INSYN2B: variants seen among roughly 807,000 people sequenced by gnomAD.
INSYN2B encodes the protein inhibitory synaptic factor family member 2B.
INSYN2B carries 16 observed loss-of-function variants against 41.2 expected under a neutral mutation model. That is an observed-to-expected ratio of 0.39 (90% confidence interval 0.26 to 0.59). The LOEUF (loss-of-function observed/expected upper bound fraction) is 0.59. Ranked by LOEUF, INSYN2B falls within the 20% of genes least tolerant of loss-of-function variation. INSYN2B has a pLI of 0.57. For synonymous variants in INSYN2B, 245 were observed against 244.4 expected, an observed-to-expected ratio of 1.00 and a Z score of -0.02; for missense variants, 608 against 646.4, an observed-to-expected ratio of 0.94 and a Z score of 0.64.
chr5:169,870,088 A>G (rs562687535), intron 3 of INSYN2B, among the ~76,000 whole-genome samples: 174 of 152,320 alleles, frequency 1.1e-3, no homozygotes, highest in Middle Eastern at 6.8e-3. Context: ...TGCATGGGAC[A>G]TGGGACCTGT....
chr5:169,915,109 A>C (rs1206914659), intron 1 of INSYN2B, among the ~76,000 whole-genome samples: 1 of 152,164 alleles, frequency 6.6e-6, no homozygotes, highest in African/African-American at 2.4e-5. Flanking sequence ...AGGCCCCACT[A>C]CTTGAAAATT....
intron 1 of INSYN2B, among the ~76,000 whole-genome samples, chr5:169,962,996 G>A (rs1777153615): frequency 6.6e-6 from 1 of 152,126 alleles, no homozygotes; most frequent in Non-Finnish European, 1.5e-5. Flanking sequence ...TAAGGCCAAG[G>A]GTGGAAGAAT....
At chr5:169,918,467 C>T (rs982100181) in intron 1 of INSYN2B, among the ~76,000 whole-genome samples, 9 of 152,168 alleles carry the variant, frequency 5.9e-5, no homozygotes, top group South Asian at 2.1e-4. Flanking sequence ...AAATGAACTA[C>T]AGAATATTCA....
rs190308021 is a variant in INSYN2B at position 169,866,737 on chromosome 5, G to C, written c.1422-2278C>G. Reference sequence around the variant, plus strand: ...GCATGTGCAGACTCACATACTGACTGTCTATTTCAGGAGTCTCTATTTCAG... The same window carrying C: ...GCATGTGCAGACTCACATACTGACTCTCTATTTCAGGAGTCTCTATTTCAG... On this transcript the variant is annotated intron_variant, in intron 3 of 3. Coordinates refer to ENST00000377365, the MANE Select transcript of INSYN2B (RefSeq NM_001129891.3). Among the ~76,000 whole-genome samples, 51 of 152,272 alleles carry C rather than the reference G, an allele frequency of 3.3e-4. 1 individual carries two copies. Among genetic ancestry groups the C allele is most frequent in the African/African-American group, 1.2e-3 (49 of 41,570 alleles).
intron 1 of INSYN2B, among the ~76,000 whole-genome samples, chr5:169,967,269 C>G (rs1437171704): frequency 2.0e-5 from 3 of 152,186 alleles, no homozygotes; most frequent in African/African-American, 7.2e-5. Flanking sequence ...GAAGCCTTTC[C>G]AGATGAAGTG....
intron 1 of INSYN2B, among the ~76,000 whole-genome samples, chr5:169,956,851 G>A (rs1776885493): frequency 6.6e-6 from 1 of 152,046 alleles, no homozygotes; most frequent in African/African-American, 2.4e-5. Flanking sequence ...ATGGGTCCAG[G>A]AATGCATCAA....
At chr5:169,892,019 G>GA (rs375055930) in intron 1 of INSYN2B, among the ~76,000 whole-genome samples, 50 of 146,634 alleles carry the variant, frequency 3.4e-4, no homozygotes, top group African/African-American at 1.2e-3. Flanking sequence ...AAAAGAAAAA[G>GA]AAAAAAGAAA....
In INSYN2B at chr5:169,931,772, GC is replaced by G. The variant is rs1029350959; in HGVS notation, c.-918-46957del. 4.1e-4 allele frequency among the ~76,000 whole-genome samples: 62 copies of G among 152,290 alleles called. 1 individual carries two copies. Among genetic ancestry groups the G allele is most frequent in the South Asian group, 4.2e-4 (2 of 4,814 alleles). On this transcript the variant is annotated intron_variant, in intron 1 of 3. Transcript: ENST00000377365. ...TGTGCTTCCAGGAGATGGAAGCACA[GC>G]CAAGTGGCCCAGAGGACAATTCCCA... is the stretch of plus-strand genomic sequence containing the variant.
chr5:169,904,599 C>T (rs1774164556), intron 1 of INSYN2B, among the ~76,000 whole-genome samples: 1 of 152,144 alleles, frequency 6.6e-6, no homozygotes, highest in Non-Finnish European at 1.5e-5. Flanking sequence ...CATTCTCTCT[C>T]ATTCACATGG....
At position 169,861,969 on chromosome 5, in the gene INSYN2B, G is replaced by C. The variant is rs1771228160; in HGVS notation, c.*2304C>G. 6.7e-6 allele frequency among the ~76,000 whole-genome samples: 1 copy of C among 150,134 alleles called. No homozygotes were observed. The highest frequency in any genetic ancestry group is 1.5e-5 in the Non-Finnish European group (1 of 67,538). On this transcript the variant is annotated 3_prime_UTR_variant, in exon 4 of 4. Coordinates refer to ENST00000377365, the MANE Select transcript of INSYN2B (RefSeq NM_001129891.3). Reference sequence around the variant, plus strand: ...TTTTTGTTGGGGAAGTGCAGAAAATGTCAACATTTTCTAGTCCCAGTTTTA... The same window carrying C: ...TTTTTGTTGGGGAAGTGCAGAAAATCTCAACATTTTCTAGTCCCAGTTTTA...
intron 1 of INSYN2B, among the ~76,000 whole-genome samples, chr5:169,978,403 G>T (rs1413795467): frequency 6.7e-5 from 9 of 133,366 alleles, no homozygotes; most frequent in African/African-American, 1.1e-4. Context: ...GGGGGGGGGG[G>T]GGTGTAGGTG....
At chr5:169,870,909 C>T (rs1771925574) in intron 3 of INSYN2B, among the ~76,000 whole-genome samples, 1 of 152,084 alleles carries the variant, frequency 6.6e-6, no homozygotes, top group South Asian at 2.1e-4. Context: ...CTTATACATA[C>T]ATACATACAC....
intron 1 of INSYN2B, among the ~76,000 whole-genome samples, chr5:169,923,447 T>C (rs1167719853): frequency 1.3e-5 from 2 of 152,098 alleles, no homozygotes; most frequent in Non-Finnish European, 2.9e-5. Flanking sequence ...GCAACCTATT[T>C]GTTAGCAGCA....
chr5:169,865,549 T>C (rs1173045475), intron 3 of INSYN2B, among the ~76,000 whole-genome samples: 1 of 152,202 alleles, frequency 6.6e-6, no homozygotes, highest in Non-Finnish European at 1.5e-5. Context: ...TTGTCTTTCC[T>C]CCATGAGGAG....
chr5:169,882,203 A>T (rs1185901226), intron 2 of INSYN2B, among the ~76,000 whole-genome samples: 1 of 152,128 alleles, frequency 6.6e-6, no homozygotes, highest in African/African-American at 2.4e-5. Context: ...GAGGAGGGGG[A>T]TGGGGAAGTG....
At chr5:169,903,298 A>G (rs926243664) in intron 1 of INSYN2B, among the ~76,000 whole-genome samples, 1 of 141,382 alleles carries the variant, frequency 7.1e-6, no homozygotes, top group African/African-American at 2.6e-5. Flanking sequence ...CTAAAAAACA[A>G]CAACAACAAC....
intron 1 of INSYN2B, among the ~76,000 whole-genome samples, chr5:169,950,823 A>G (rs1309216893): frequency 6.6e-6 from 1 of 152,120 alleles, no homozygotes; most frequent in Non-Finnish European, 1.5e-5. Flanking sequence ...GCCTCCTCTC[A>G]CAGTCTGGGC....
intron 1 of INSYN2B, among the ~76,000 whole-genome samples, chr5:169,973,529 C>T (rs1777603496): frequency 6.6e-6 from 1 of 152,166 alleles, no homozygotes; most frequent in Non-Finnish European, 1.5e-5. Context: ...AAAGAGAGAA[C>T]TGAGGGTCCA....
chr5:169,867,717 TATATAATC>T (rs1202651593), intron 3 of INSYN2B, among the ~76,000 whole-genome samples: 1 of 152,104 alleles, frequency 6.6e-6, no homozygotes, highest in Non-Finnish European at 1.5e-5. Flanking sequence ...CATACACACA[TATATAATC>T]ATAACATCAC....
Sources: gnomAD v4.1 joint callset for allele counts (sites outside exome capture counted in the v4.1 genomes callset) on GRCh38, gnomAD v4.1.1 for gene constraint, MANE v1.5 for transcripts, NCBI Gene and HGNC (gene_info 2026-07-23, HGNC 2026-07-21) for gene names.